The following GRHL1 variants were observed in gnomAD, a reference collection of about 807,000 sequenced individuals.
The protein encoded by GRHL1 is grainyhead-like protein 1 homolog.
Under a neutral mutation model 75.7 loss-of-function variants are expected in GRHL1, and 38 were observed. The observed-to-expected ratio is 0.50, with a 90% confidence interval of 0.39 to 0.66. GRHL1 has a LOEUF of 0.66. GRHL1 is among the 30% of genes least tolerant of loss of function. The probability of loss-of-function intolerance (pLI) is 0.00; values close to 1 mark genes in which losing one functional copy is unlikely to be tolerated. For synonymous variants in GRHL1, 266 were observed against 279.4 expected (o/e 0.95, Z 0.48); for missense variants, 589 against 767.5 (o/e 0.77, Z 2.75).
intron 9 of GRHL1, among the ~76,000 whole-genome samples, chr2:9,988,750 CTT>C: frequency 6.6e-6 from 1 of 152,150 alleles, no homozygotes; most frequent in Admixed American, 6.5e-5. Flanking sequence ...GATCACTGTT[CTT>C]TAGTTGCCTG....
At chr2:9,996,212 T>C in intron 13 of GRHL1, 104 bp from the exon 14 acceptor site, 1 of 840,296 alleles carries the variant, frequency 1.2e-6, no homozygotes, top group Non-Finnish European at 2.0e-6. Flanking sequence ...ATGTGGTTTT[T>C]ATTTTAGCTG....
In GRHL1 at chr2:9,961,213, T is replaced by C. The variant is rs1356927714; in HGVS notation, c.446T>C (p.Ile149Thr). 2 of 1,614,112 alleles carry C rather than the reference T, an allele frequency of 1.2e-6. No homozygotes were observed. Among genetic ancestry groups the C allele is most frequent in the East Asian group, 2.2e-5 (1 of 44,886 alleles). Residue 149 changes from isoleucine to threonine, a missense_variant, in exon 4 of 16, where the codon ATA (isoleucine) becomes ACA (threonine). Coordinates refer to ENST00000324907, the MANE Select transcript of GRHL1 (RefSeq NM_198182.3). Reference protein sequence around the residue: ...TAPDTTVTVSIATMPTHSIKT... With the variant: ...TAPDTTVTVSTATMPTHSIKT... ...CCAGATACGACAGTCACTGTCTCCATAGCAACGATGCCTACCCACTCCATC... is the reference window on the plus strand; with the variant it reads ...CCAGATACGACAGTCACTGTCTCCACAGCAACGATGCCTACCCACTCCATC...
chr2:9,987,823 AC>A lies in GRHL1; in HGVS notation c.1269+1542del, dbSNP rs1338732578. Among the ~76,000 whole-genome samples the A allele has an allele frequency of 2.0e-5, 3 of 152,178 alleles. No homozygotes were observed. Among genetic ancestry groups the A allele is most frequent in the Non-Finnish European group, 4.4e-5 (3 of 68,032 alleles). ...CGTGGATGAGTGGACATTCCATTGA[AC>A]TAAGACAGCAAGATCTTGAGTTTTT... On this transcript the variant is annotated intron_variant, in intron 9 of 15. Coordinates refer to ENST00000324907, the MANE Select transcript of GRHL1 (RefSeq NM_198182.3). This position sits in a 1 kb window ranked among gnomAD's most constrained non-coding sequence, Gnocchi z 4.2.
chr2:9,980,384 G>A (rs931055731), intron 8 of GRHL1, among the ~76,000 whole-genome samples: 1 of 147,712 alleles, frequency 6.8e-6, no homozygotes, highest in African/African-American at 2.5e-5. Flanking sequence ...ATTTTATTTT[G>A]TTTTCCTCTC....
At chr2:9,986,400 T>C (rs1668418483) in intron 9 of GRHL1, 118 bp downstream of exon 9, 1 of 493,882 alleles carries the variant, frequency 2.0e-6, no homozygotes, top group Non-Finnish European at 3.4e-6. Flanking sequence ...AGAATAACTT[T>C]TAAAATTATT....
chr2:9,952,523 A>G (rs1263674204), intron 1 of GRHL1, among the ~76,000 whole-genome samples: 1 of 152,194 alleles, frequency 6.6e-6, no homozygotes, highest in East Asian at 1.9e-4. Context: ...AAACTTTGAA[A>G]TCCGGGTGTT....
At chr2:9,991,163 A>G (rs985906855) in intron 10 of GRHL1, among the ~76,000 whole-genome samples, 2 of 152,194 alleles carry the variant, frequency 1.3e-5, no homozygotes, top group African/African-American at 4.8e-5. Context: ...TATCTAAAGT[A>G]TAGTATTTTA....
intron 6 of GRHL1, 81 bp downstream of exon 6, chr2:9,964,123 C>A: frequency 2.1e-6 from 3 of 1,416,396 alleles, no homozygotes; most frequent in Non-Finnish European, 2.0e-6. Context: ...CTCTGAATGA[C>A]CGCCTGAAAT....
intron 5 of GRHL1, 133 bp from the exon 6 acceptor site, chr2:9,963,753 T>G: frequency 1.7e-6 from 1 of 593,158 alleles, no homozygotes; most frequent in Non-Finnish European, 2.9e-6. Context: ...GACTTGAGAA[T>G]TTTTAGCTGC....
chr2:9,988,102 G>A (rs1668499287), intron 9 of GRHL1, among the ~76,000 whole-genome samples: 1 of 152,050 alleles, frequency 6.6e-6, no homozygotes, highest in African/African-American at 2.4e-5. Flanking sequence ...TGGCATTTTG[G>A]TGATTTTCAC....
intron 14 of GRHL1, among the ~76,000 whole-genome samples, chr2:9,997,938 G>A (rs986399722): frequency 1.3e-5 from 2 of 152,160 alleles, no homozygotes; most frequent in Admixed American, 6.5e-5. Context: ...CATGGCTCAC[G>A]AGGAACTCAT....
chr2:9,984,650 G>A (rs1668343108), intron 8 of GRHL1, among the ~76,000 whole-genome samples: 1 of 152,178 alleles, frequency 6.6e-6, no homozygotes, highest in African/African-American at 2.4e-5. Flanking sequence ...CCATTTCGAA[G>A]GTGGGGGATC....
At chr2:9,986,090 C>T in intron 8 of GRHL1, 34 bp from the exon 9 acceptor site, 1 of 1,560,534 alleles carries the variant, frequency 6.4e-7, no homozygotes, top group South Asian at 1.2e-5. Flanking sequence ...GACTTGGTGC[C>T]TGTTGCTTAT....
chr2:9,972,301 C>T (rs1436252599), intron 8 of GRHL1, among the ~76,000 whole-genome samples: 1 of 151,750 alleles, frequency 6.6e-6, no homozygotes, highest in Non-Finnish European at 1.5e-5. Context: ...TCACCTTAAC[C>T]CTCCTTCTCC....
In GRHL1 at chr2:9,990,713, C is replaced by T. The variant is rs1668601122; in HGVS notation, c.1287C>T (p.Ile429=). Residue 429 remains isoleucine, a synonymous_variant, in exon 10 of 16, where the codon ATC becomes ATT. Coordinates refer to ENST00000324907, the MANE Select transcript of GRHL1 (RefSeq NM_198182.3). The surrounding 1 kb of genome is among the most constrained non-coding windows in gnomAD (Gnocchi z 4.2). ...VFCDKGAERK[I]RDEERKQSKR... is the part of the protein sequence containing the mutation. The stretch of plus-strand genomic sequence containing the variant: ...ACCTACAGGGAGCTGAGCGGAAAAT[C>T]AGGGATGAAGAACGAAAGCAAAGCA... The T allele has an allele frequency of 1.2e-6, 2 of 1,610,626 alleles. No individual in the cohort carries two copies. The highest frequency in any genetic ancestry group is 4.5e-5 in the East Asian group (2 of 44,770).
intron 14 of GRHL1, among the ~76,000 whole-genome samples, chr2:9,998,431 T>G: frequency 9.6e-6 from 1 of 104,138 alleles, no homozygotes; most frequent in South Asian, 2.8e-4. Context: ...TGCATGTGTG[T>G]GTGTGTGTGT....
At chr2:9,971,192 A>G (rs890201537) in intron 8 of GRHL1, among the ~76,000 whole-genome samples, 4 of 152,180 alleles carry the variant, frequency 2.6e-5, no homozygotes, top group African/African-American at 9.7e-5. Flanking sequence ...TATTGCTTGC[A>G]TTTATCAGAA....
intron 2 of GRHL1, among the ~76,000 whole-genome samples, chr2:9,958,422 C>G (rs191055790): frequency 7.7e-4 from 117 of 152,194 alleles, no homozygotes; most frequent in Non-Finnish European, 1.3e-3. Flanking sequence ...TCAAACAATC[C>G]TCCCACCTTG....
In GRHL1 at chr2:9,963,900, A is replaced by G. The variant is rs746870308; in HGVS notation, c.761A>G (p.Tyr254Cys). ...TTGTCCTTTAGGAACAACTTTGAAT[A>G]TACCCTAGAAGCTTCAAAATCACTT... ...FDSVSGNNFE[Y>C]TLEASKSLRQ... The change falls in exon 6 of 16, where the codon TAT (tyrosine) becomes TGT (cysteine). Residue 254 changes from tyrosine (Y) to cysteine (C), a missense_variant. Physicochemically the swap from Tyr to Cys is radical, Grantham distance 194 (BLOSUM62 -2). Coordinates refer to ENST00000324907, the MANE Select transcript of GRHL1 (RefSeq NM_198182.3). The G allele has an allele frequency of 4.2e-5, 67 of 1,611,832 alleles. No homozygotes were observed. The highest frequency in any genetic ancestry group is 4.5e-5 in the Non-Finnish European group (53 of 1,179,248).
Sources: gnomAD v4.1 joint callset for allele counts (sites outside exome capture counted in the v4.1 genomes callset) on GRCh38, gnomAD v4.1.1 for gene constraint, Gnocchi (gnomAD v3.1) non-coding constraint, MANE v1.5 for transcripts, NCBI Gene and HGNC (gene_info 2026-07-23, HGNC 2026-07-21) for gene names.